The following EYS variants were observed in gnomAD, a reference collection of about 807,000 sequenced individuals.
The protein encoded by EYS is EGF-like photoreceptor maintenance factor, also known as protein eyes shut homolog.
In EYS, 250 loss-of-function variants were observed where a neutral mutation model predicts 282.1. The observed-to-expected ratio is 0.89, with a 90% CI of 0.80 to 0.98. The LOEUF (loss-of-function observed/expected upper bound fraction) is 0.98, where lower values mean the gene tolerates loss of function less well. EYS is among the 50% of genes least tolerant of loss of function. The pLI is 0.00. For synonymous variants in EYS, 1,355 were observed against 1,282.9 expected (o/e 1.06, Z -1.20); for missense variants, 4,016 against 3,709.0 (o/e 1.08, Z -2.15).
chr6:65,434,136 G>A (rs1165743142), intron 5 of EYS, among the ~76,000 whole-genome samples: 8 of 152,186 alleles, frequency 5.3e-5, no homozygotes, highest in African/African-American at 1.4e-4. Context: ...GAATAGTGCA[G>A]CATAGTGCTG....
chr6:64,473,685 A>AT (rs1229303164), intron 26 of EYS, among the ~76,000 whole-genome samples: 1 of 152,204 alleles, frequency 6.6e-6, no homozygotes, highest in Non-Finnish European at 1.5e-5. Flanking sequence ...GATAGAAGCC[A>AT]TTAATTATGT....
At chr6:65,172,111 G>C (rs764676394) in intron 12 of EYS, among the ~76,000 whole-genome samples, 21 of 151,128 alleles carry the variant, frequency 1.4e-4, no homozygotes, top group Admixed American at 2.6e-4. Flanking sequence ...CTCTTATAGA[G>C]AACTGCAATA....
chr6:63,932,064 G>T (rs1192310689), intron 35 of EYS, among the ~76,000 whole-genome samples: 1 of 151,930 alleles, frequency 6.6e-6, no homozygotes, highest in Non-Finnish European at 1.5e-5. Context: ...GTGAACATGC[G>T]GTTCACATAT....
At chr6:65,077,294 C>T (rs543555665) in intron 12 of EYS, among the ~76,000 whole-genome samples, 32 of 152,162 alleles carry the variant, frequency 2.1e-4, no homozygotes, top group African/African-American at 7.5e-4. Flanking sequence ...TCAAAGTATG[C>T]ATTTACAAGA....
intron 30 of EYS, among the ~76,000 whole-genome samples, chr6:64,248,913 A>G (rs930029540): frequency 2.0e-5 from 3 of 151,770 alleles, no homozygotes; most frequent in Admixed American, 1.3e-4. Flanking sequence ...AAAATTAGCC[A>G]GGCATGGTGG....
intron 31 of EYS, among the ~76,000 whole-genome samples, chr6:64,168,158 C>G (rs368304600): frequency 6.6e-6 from 1 of 152,118 alleles, no homozygotes; most frequent in African/African-American, 2.4e-5. Flanking sequence ...CTACTCGGGA[C>G]GCTGAGGCAG....
chr6:64,331,581 C>T (rs1482775616), intron 29 of EYS, among the ~76,000 whole-genome samples: 1 of 111,518 alleles, frequency 9.0e-6, no homozygotes, highest in Non-Finnish European at 1.9e-5. Context: ...ATGGGAGGCT[C>T]GCCTTCCAAT....
chr6:64,138,054 G>T (rs867566306), intron 31 of EYS, among the ~76,000 whole-genome samples: 86 of 152,282 alleles, frequency 5.6e-4, no homozygotes, highest in African/African-American at 2.0e-3. Context: ...GATAATTAAT[G>T]TCAAAGCCAA....
intron 2 of EYS, among the ~76,000 whole-genome samples, chr6:65,632,288 T>C (rs1766944433): frequency 6.6e-6 from 1 of 152,174 alleles, no homozygotes; most frequent in African/African-American, 2.4e-5. Flanking sequence ...CGTTCATCAG[T>C]AGACAGATGA....
chr6:63,896,478 C>T (rs1773540298), intron 35 of EYS, among the ~76,000 whole-genome samples: 1 of 152,152 alleles, frequency 6.6e-6, no homozygotes, highest in East Asian at 1.9e-4. Context: ...CTCCTGTCCC[C>T]ACACATGTAC....
At chr6:64,980,072 A>T (rs1770601404) in intron 14 of EYS, among the ~76,000 whole-genome samples, 1 of 151,512 alleles carries the variant, frequency 6.6e-6, no homozygotes, top group Non-Finnish European at 1.5e-5. Context: ...CTATTGCTAA[A>T]TTTTTTTAAA....
At chr6:64,396,002 C>G (rs1323656035) in intron 28 of EYS, among the ~76,000 whole-genome samples, 3 of 151,712 alleles carry the variant, frequency 2.0e-5, no homozygotes, top group Admixed American at 2.0e-4. Context: ...AACCACTACC[C>G]AGGACAAAAG....
In EYS at chr6:64,481,420, A is replaced by ATT. The variant is rs35920870; in HGVS notation, c.5645-42070_5645-42069dup. Reference sequence around the variant, plus strand: ...TGTTGCAGAGTGAAAAAAATACAGAATTTTTTTTTCTTTTTCAAAAAGCCT... The same window carrying ATT: ...TGTTGCAGAGTGAAAAAAATACAGAATTTTTTTTTTTCTTTTTCAAAAAGCCT... On this transcript the variant is annotated intron_variant, in intron 26 of 42. Transcript: ENST00000503581. Among the ~76,000 whole-genome samples, 5 of 149,004 alleles carry ATT rather than the reference A, an allele frequency of 3.4e-5. No individual in the cohort carries two copies. The East Asian group carries it at 5.9e-4, about 18-fold the overall frequency.
At position 64,595,641 on chromosome 6, in the gene EYS, A is replaced by G. The variant is rs1196789176; in HGVS notation, c.3685-2332T>C. 2.6e-5 allele frequency among the ~76,000 whole-genome samples: 4 copies of G among 152,316 alleles called. No individual in the cohort carries two copies. The East Asian group carries it at 7.7e-4, about 29-fold the overall frequency. On this transcript the variant is annotated intron_variant, in intron 24 of 42. Coordinates refer to ENST00000503581, the MANE Select transcript of EYS (RefSeq NM_001142800.2). ...AAATTTAGCATTGTTTCCATACACCAATAATGAACTATTTGAAAAAGAAAT... is the reference window on the plus strand; with the variant it reads ...AAATTTAGCATTGTTTCCATACACCGATAATGAACTATTTGAAAAAGAAAT...
intron 14 of EYS, among the ~76,000 whole-genome samples, chr6:64,958,806 G>C (rs1358270157): frequency 6.7e-6 from 1 of 149,952 alleles, no homozygotes; most frequent in Non-Finnish European, 1.5e-5. Flanking sequence ...TCAAACTGTG[G>C]TGTTTCTTTA....
intron 40 of EYS, among the ~76,000 whole-genome samples, chr6:63,774,430 A>G (rs1458172475): frequency 6.6e-6 from 1 of 152,020 alleles, no homozygotes; most frequent in Non-Finnish European, 1.5e-5. Context: ...CGGCCTCCCA[A>G]AGTGCTGGGA....
Position 65,335,061 on chromosome 6 carries a change from A to G in EYS, c.1685T>C (p.Met562Thr), listed in dbSNP as rs371667376. The G allele has an allele frequency of 5.0e-6, 8 of 1,612,030 alleles. No individual in the cohort carries two copies. The African/African-American group carries it at 8.0e-5, about 16-fold the overall frequency. ...ATCATCAGTTGTATTTTCCAGATAC[A>G]TGTTGCCAGCCCATCTGAGAAAACA... ...YLCFLRWAGN[M>T]YLENTTDDQE... Residue 562 changes from methionine (M) to threonine (T), a missense_variant, in exon 11 of 43, where the codon ATG (methionine) becomes ACG (threonine). By Grantham distance (81) the Met-to-Thr change is moderately conservative. Coordinates refer to ENST00000503581, the MANE Select transcript of EYS (RefSeq NM_001142800.2).
At chr6:64,820,605 G>T (rs1418821764) in intron 21 of EYS, among the ~76,000 whole-genome samples, 1 of 152,116 alleles carries the variant, frequency 6.6e-6, no homozygotes, top group Non-Finnish European at 1.5e-5. Flanking sequence ...CTGTGTGTCA[G>T]AAAATGTGCT....
intron 35 of EYS, among the ~76,000 whole-genome samples, chr6:63,903,700 G>A (rs1773709297): frequency 1.3e-5 from 2 of 152,146 alleles, no homozygotes; most frequent in African/African-American, 4.8e-5. Context: ...CATGAAAGCA[G>A]GGATGTTTTG....
Sources: gnomAD v4.1 joint callset for allele counts (sites outside exome capture counted in the v4.1 genomes callset) on GRCh38, gnomAD v4.1.1 for gene constraint, MANE v1.5 for transcripts, NCBI Gene and HGNC (gene_info 2026-07-23, HGNC 2026-07-21) for gene names.